Variants in UBXN8 observed in about 807,000 individuals in gnomAD.
UBXN8 encodes UBX domain protein 8.
UBXN8 carries 27 observed loss-of-function variants against 32.1 expected under a neutral mutation model. The observed-to-expected ratio is 0.84, with a 90% confidence interval of 0.62 to 1.16. The LOEUF is 1.16. Ranked by LOEUF, UBXN8 falls within the 50% of genes most tolerant of loss-of-function variation. UBXN8 has a pLI of 0.00. For synonymous variants in UBXN8, 109 were observed against 111.8 expected (o/e 0.98, Z 0.16); for missense variants, 306 against 311.4 (o/e 0.98, Z 0.13).
At chr8:30,756,725 G>GA (rs1805671662) in intron 4 of UBXN8, 40 bp from the exon 5 acceptor site, 1 of 1,611,064 alleles carries the variant, frequency 6.2e-7, no homozygotes, top group Non-Finnish European at 8.5e-7. Flanking sequence ...AAAGTTGATA[G>GA]AAAACATCTC....
rs1382282878 is a variant in UBXN8, at chr8:30,748,394, AGGTT to A, written c.89-3000_89-2997del. Among the ~76,000 whole-genome samples the A allele has an allele frequency of 2.0e-5, 3 of 148,962 alleles. No homozygotes were observed. In the Admixed American group the frequency reaches 2.0e-4, roughly 10 times the overall value. ...CATGGGACGACTGCTTGAGCCCTGG[AGGTT>A]GTGGCTGCAGTGAGCTGTTATCAAC... On this transcript the variant is annotated intron_variant, in intron 1 of 7. Coordinates refer to ENST00000265616, the MANE Select transcript of UBXN8 (RefSeq NM_005671.4).
intron 1 of UBXN8, among the ~76,000 whole-genome samples, chr8:30,747,191 T>C (rs1279405369): frequency 7.1e-6 from 1 of 140,932 alleles, no homozygotes; most frequent in African/African-American, 2.7e-5. Context: ...TAAAATTTTT[T>C]TTCTTTAAAG....
chr8:30,741,371 G>C (rs770651379), upstream of UBXN8, among the ~76,000 whole-genome samples: 1 of 151,858 alleles, frequency 6.6e-6, no homozygotes, highest in Non-Finnish European at 1.5e-5. Flanking sequence ...GTGTGACAGA[G>C]TGAGACCCTG....
intron 4 of UBXN8, among the ~76,000 whole-genome samples, chr8:30,755,140 A>G (rs1040813289): frequency 7.9e-5 from 12 of 151,876 alleles, no homozygotes; most frequent in Non-Finnish European, 1.5e-4. Flanking sequence ...TATTTTTAGT[A>G]GAGATGGGGT....
rs12547033 is a variant in UBXN8, at chr8:30,754,827, C to G, written c.405+40C>G. 0.021 allele frequency: 32,071 copies of G among 1,534,998 alleles called. 702 individuals are homozygous for G. The highest frequency in any genetic ancestry group is 0.087 in the South Asian group (6,558 of 75,428). On this transcript the variant is annotated intron_variant, in intron 4 of 7. Coordinates refer to ENST00000265616, the MANE Select transcript of UBXN8 (RefSeq NM_005671.4). ...TCATTTTATATTTTGAATCCTCTTA[C>G]TATGTTTCCTATTACATGATTGATT...
upstream of UBXN8, among the ~76,000 whole-genome samples, chr8:30,740,631 G>A (rs1472541852): frequency 6.6e-6 from 1 of 151,448 alleles, no homozygotes; most frequent in Non-Finnish European, 1.5e-5. Context: ...AGGATGAGGT[G>A]AGATGATCGC....
intron 5 of UBXN8, among the ~76,000 whole-genome samples, chr8:30,760,590 T>C (rs995868678): frequency 1.1e-4 from 17 of 151,638 alleles, no homozygotes; most frequent in Non-Finnish European, 2.1e-4. Flanking sequence ...CTTTTTTACA[T>C]AGTGCATTTT....
chr8:30,745,841 C>T (rs895230985), intron 1 of UBXN8, among the ~76,000 whole-genome samples: 9 of 152,190 alleles, frequency 5.9e-5, no homozygotes, highest in African/African-American at 1.4e-4. Flanking sequence ...CTGGACTTCC[C>T]GGCTCAAGTG....
intron 1 of UBXN8, among the ~76,000 whole-genome samples, chr8:30,749,388 G>T (rs1489840320): frequency 2.2e-5 from 1 of 44,908 alleles, no homozygotes; most frequent in African/African-American, 1.2e-4. Flanking sequence ...CTGAGGCTCC[G>T]TCTCAAAAAA....
At chr8:30,755,779 A>G (rs966336817) in intron 4 of UBXN8, among the ~76,000 whole-genome samples, 10 of 150,732 alleles carry the variant, frequency 6.6e-5, no homozygotes, top group African/African-American at 2.4e-4. Flanking sequence ...AAAAAAAAAA[A>G]AAGAAGACTG....
Position 30,766,259 on chromosome 8 carries a change from C to A in UBXN8, c.678C>A (p.Tyr226Ter). Residue 226 changes from tyrosine (Y) to a stop codon, truncating the protein, a stop_gained, in exon 8 of 8, where the codon TAC becomes TAA. Coordinates refer to ENST00000265616, the MANE Select transcript of UBXN8 (RefSeq NM_005671.4). LOFTEE classifies it high-confidence loss of function. ...TTGACTGGATGACGAGAATTGGGTA[C>A]CACATATCTCTATACAGCCTTTCTA... ...VLFDWMTRIG[Y>*]HISLYSLSTS... is the part of the protein sequence containing the mutation. 6.2e-7 allele frequency: 1 copy of A among 1,613,388 alleles called. No homozygotes were observed. The highest frequency in any genetic ancestry group is 8.5e-7 in the Non-Finnish European group (1 of 1,179,594).
chr8:30,762,702 A>G (rs1805868052), intron 6 of UBXN8, among the ~76,000 whole-genome samples: 1 of 151,756 alleles, frequency 6.6e-6, no homozygotes, highest in Non-Finnish European at 1.5e-5. Context: ...CTGATTGGAA[A>G]TATTTTCTAA....
intron 2 of UBXN8, 62 bp from the exon 3 acceptor site, chr8:30,752,973 T>A: frequency 6.9e-7 from 1 of 1,443,420 alleles, no homozygotes; most frequent in South Asian, 1.5e-5. Flanking sequence ...ATTATTTGAT[T>A]GGTTGTACTT....
upstream of UBXN8, among the ~76,000 whole-genome samples, chr8:30,742,758 G>A (rs1161812428): frequency 6.6e-6 from 1 of 152,126 alleles, no homozygotes; most frequent in Non-Finnish European, 1.5e-5. Context: ...TGAACACAAC[G>A]TAGGCGTGAC....
At chr8:30,730,130 A>C (rs1804917757), upstream of UBXN8, among the ~76,000 whole-genome samples, 1 of 152,198 alleles carries the variant, frequency 6.6e-6, no homozygotes, top group Admixed American at 6.5e-5. Context: ...TCCCTAGGCC[A>C]CCCAGAGTAG....
At chr8:30,730,737 T>A (rs2911666), upstream of UBXN8, among the ~76,000 whole-genome samples, 106,650 of 152,044 alleles carry the variant, frequency 0.7, 39,388 homozygotes, top group East Asian at 0.84. Flanking sequence ...GTGAGGCCTA[T>A]CACATGTATA....
At chr8:30,745,505 C>G (rs941009598) in intron 1 of UBXN8, among the ~76,000 whole-genome samples, 18 of 152,308 alleles carry the variant, frequency 1.2e-4, no homozygotes, top group South Asian at 4.1e-4. Flanking sequence ...TGTACTCCCT[C>G]TCTTTCTCCA....
chr8:30,730,936 C>T (rs559935061), upstream of UBXN8, among the ~76,000 whole-genome samples: 11 of 152,254 alleles, frequency 7.2e-5, no homozygotes, highest in East Asian at 1.2e-3. Flanking sequence ...TAAGGAAAAC[C>T]GCAGAGAGAA....
In UBXN8 at chr8:30,756,750, G is replaced by C. The variant is rs767928401; in HGVS notation, c.406-15G>C. ...GAAAACATCTCTTTAGAAATTGTCT[G>C]TTGTGTTTGACCAGGGTGATGAAGG... On this transcript the variant is annotated splice_polypyrimidine_tract_variant and intron_variant, in intron 4 of 7. Transcript: ENST00000265616. The C allele has an allele frequency of 2.5e-6, 4 of 1,613,796 alleles. No individual in the cohort carries two copies. Among genetic ancestry groups the C allele is most frequent in the Non-Finnish European group, 3.4e-6 (4 of 1,179,796 alleles).
Sources: gnomAD v4.1 joint callset for allele counts (sites outside exome capture counted in the v4.1 genomes callset) on GRCh38, gnomAD v4.1.1 for gene constraint, MANE v1.5 for transcripts, NCBI Gene and HGNC (gene_info 2026-07-23, HGNC 2026-07-21) for gene names.